CLVS1: variants seen among roughly 807,000 people sequenced by gnomAD.
The protein encoded by CLVS1 is clavesin 1.
Under a neutral mutation model 33.1 loss-of-function variants are expected in CLVS1, and 10 were observed. The observed-to-expected ratio is 0.30, with a 90% CI of 0.19 to 0.51. CLVS1 has a LOEUF of 0.51. Among genes scored for constraint, CLVS1 ranks in the 20% least tolerant of loss-of-function variants. CLVS1 has a pLI of 0.97. For missense variants in CLVS1, 343 were observed against 433.4 expected, an observed-to-expected ratio of 0.79 and a Z score of 1.85; for synonymous variants, 163 against 166.1, an observed-to-expected ratio of 0.98 and a Z score of 0.14.
intron 1 of CLVS1, among the ~76,000 whole-genome samples, chr8:61,290,602 A>G (rs1302779785): frequency 6.6e-6 from 1 of 152,190 alleles, no homozygotes; most frequent in African/African-American, 2.4e-5. Flanking sequence ...TTTTACAAAG[A>G]GAGGCACTTT....
the CLVS1 span, among the ~76,000 whole-genome samples, chr8:61,033,699 G>T: frequency 6.6e-6 from 1 of 152,182 alleles, no homozygotes; most frequent in Non-Finnish European, 1.5e-5. Context: ...TGGCTGGGGG[G>T]GCACTTCTGC....
the CLVS1 span, among the ~76,000 whole-genome samples, chr8:60,975,177 T>TTA: frequency 6.6e-6 from 1 of 152,072 alleles, no homozygotes; most frequent in East Asian, 1.9e-4. Flanking sequence ...AGCACAGGAT[T>TTA]TAGAACCTGT....
chr8:61,151,228 A>G (rs1226499632), intron 2 of CLVS1, among the ~76,000 whole-genome samples: 1 of 152,202 alleles, frequency 6.6e-6, no homozygotes, highest in East Asian at 1.9e-4. Flanking sequence ...TAGGTACTGA[A>G]GTCAAGGGGG....
At chr8:61,187,661 A>G (rs921556695) in intron 2 of CLVS1, among the ~76,000 whole-genome samples, 3 of 152,014 alleles carry the variant, frequency 2.0e-5, no homozygotes, top group African/African-American at 7.2e-5. Flanking sequence ...GATATATTCT[A>G]TTTCCAGCAA....
intron 2 of CLVS1, among the ~76,000 whole-genome samples, chr8:61,183,519 G>C (rs1807282083): frequency 6.6e-6 from 1 of 151,988 alleles, no homozygotes. Flanking sequence ...TCTGCATCCT[G>C]AGAGCGGAGG....
intron 1 of CLVS1, among the ~76,000 whole-genome samples, chr8:61,130,049 C>T (rs990549250): frequency 6.6e-6 from 1 of 151,856 alleles, no homozygotes; most frequent in African/African-American, 2.4e-5. Flanking sequence ...ACTAGCCTGG[C>T]TAACATGGTG....
At chr8:61,078,148 G>T (rs949725887) in intron 1 of CLVS1, among the ~76,000 whole-genome samples, 7 of 152,234 alleles carry the variant, frequency 4.6e-5, no homozygotes, top group African/African-American at 1.7e-4. Flanking sequence ...TGTCTCCGGG[G>T]CGCATGAGGC....
chr8:61,078,081 G>A (rs1804957205), intron 1 of CLVS1, among the ~76,000 whole-genome samples: 1 of 152,226 alleles, frequency 6.6e-6, no homozygotes. Flanking sequence ...CAGAGCCCCA[G>A]TGCAGGCTTC....
rs560838114 is a variant in CLVS1 at position 61,497,571 on chromosome 8, G to C, written c.978-1884G>C. Among the ~76,000 whole-genome samples the C allele has an allele frequency of 4.6e-5, 7 of 152,104 alleles. No individual in the cohort carries two copies. The South Asian group carries it at 1.5e-3, about 32-fold the overall frequency. On this transcript the variant is annotated intron_variant, in intron 5 of 5. Transcript: ENST00000325897. Reference sequence around the variant, plus strand: ...ACTTACTTACTCAAAGTTAGTCTTTGGGTCAGGGGTTTCCTCAGTATTGTC... The same window carrying C: ...ACTTACTTACTCAAAGTTAGTCTTTCGGTCAGGGGTTTCCTCAGTATTGTC...
chr8:61,034,599 C>T, the CLVS1 span, among the ~76,000 whole-genome samples: 3 of 152,048 alleles, frequency 2.0e-5, no homozygotes, highest in African/African-American at 4.8e-5. Context: ...TTACATTCCA[C>T]GTGTAAATGA....
At chr8:61,251,693 A>G (rs1043930427) in intron 2 of CLVS1, among the ~76,000 whole-genome samples, 5 of 152,102 alleles carry the variant, frequency 3.3e-5, no homozygotes, top group South Asian at 2.1e-4. Flanking sequence ...TTTCTAGTTT[A>G]TTTGCATAGA....
intron 5 of CLVS1, among the ~76,000 whole-genome samples, chr8:61,475,509 C>G (rs553344714): frequency 3.3e-5 from 5 of 152,340 alleles, no homozygotes; most frequent in African/African-American, 1.2e-4. Context: ...GAGATGGTAT[C>G]TCATTGTGGT....
intron 3 of CLVS1, among the ~76,000 whole-genome samples, chr8:61,441,630 A>C (rs1344663693): frequency 6.6e-6 from 1 of 152,144 alleles, no homozygotes; most frequent in Non-Finnish European, 1.5e-5. Flanking sequence ...GCACTAGTTA[A>C]TCCTTCATTA....
At chr8:61,298,575 A>G (rs1371725785) in intron 1 of CLVS1, among the ~76,000 whole-genome samples, 1 of 152,178 alleles carries the variant, frequency 6.6e-6, no homozygotes, top group Non-Finnish European at 1.5e-5. Context: ...ATGAGAAAGC[A>G]TTACCAATAA....
chr8:61,321,858 C>T (rs1411021103), intron 2 of CLVS1, among the ~76,000 whole-genome samples: 2 of 152,112 alleles, frequency 1.3e-5, no homozygotes, highest in Admixed American at 1.3e-4. Flanking sequence ...GCTCTGCTGT[C>T]GTATTCTCAG....
intron 2 of CLVS1, among the ~76,000 whole-genome samples, chr8:61,281,180 A>G (rs576860754): frequency 2.0e-5 from 3 of 152,348 alleles, no homozygotes; most frequent in African/African-American, 7.2e-5. Flanking sequence ...AATGAGATAT[A>G]TTGAAAGTCT....
intron 2 of CLVS1, among the ~76,000 whole-genome samples, chr8:61,340,053 AAAAGAAAAAGAAAG>A (rs1343957796): frequency 2.0e-5 from 3 of 151,906 alleles, no homozygotes; most frequent in Non-Finnish European, 2.9e-5. Flanking sequence ...AAGGAAAGAA[AAAAGAAAAAGAAAG>A]AAAGAAAAAG....
At chr8:61,193,404 G>T (rs1397157830) in intron 2 of CLVS1, among the ~76,000 whole-genome samples, 1 of 151,944 alleles carries the variant, frequency 6.6e-6, no homozygotes, top group African/African-American at 2.4e-5. Flanking sequence ...AGCATTAGGA[G>T]ATATACCTAA....
chr8:61,485,103 TTAAAC>T (rs1157857302), intron 5 of CLVS1, among the ~76,000 whole-genome samples: 5 of 151,692 alleles, frequency 3.3e-5, no homozygotes, highest in African/African-American at 9.7e-5. Flanking sequence ...TGGTATCTAA[TTAAAC>T]TAAAGAGCTT....
Sources: allele counts gnomAD v4.1 joint callset (sites outside exome capture counted in the v4.1 genomes callset), GRCh38; gene constraint gnomAD v4.1.1; transcripts MANE v1.5; gene names NCBI Gene and HGNC (gene_info 2026-07-23, HGNC 2026-07-21).